Variants in MCF2L observed in about 807,000 individuals in gnomAD.
MCF2L encodes MCF.2 cell line derived transforming sequence like.
In MCF2L, 97 loss-of-function variants were observed where a neutral mutation model predicts 153.4. The observed-to-expected ratio is 0.63, with a 90% confidence interval of 0.54 to 0.75. The LOEUF is 0.75. Among genes scored for constraint, MCF2L ranks in the 30% least tolerant of loss-of-function variants. MCF2L has a pLI of 0.00. For missense variants in MCF2L, 1,347 were observed against 1,495.2 expected, an observed-to-expected ratio of 0.90 and a Z score of 1.64; for synonymous variants, 659 against 632.2, an observed-to-expected ratio of 1.04 and a Z score of -0.64.
At chr13:112,977,781 C>T (rs2082265400) in intron 1 of MCF2L, among the ~76,000 whole-genome samples, 1 of 152,188 alleles carries the variant, frequency 6.6e-6, no homozygotes, top group South Asian at 2.1e-4. Context: ...AGCCTGTCTG[C>T]GTCTGTCCTT....
intron 2 of MCF2L, among the ~76,000 whole-genome samples, chr13:112,913,886 C>G (rs3011504): frequency 2.0e-5 from 3 of 151,990 alleles, no homozygotes; most frequent in Non-Finnish European, 4.4e-5. Flanking sequence ...ACTGCAGACT[C>G]TTTCTCGCTC....
At chr13:113,060,493 G>A in intron 4 of MCF2L, 100 bp from the exon 5 acceptor site, 1 of 1,454,508 alleles carries the variant, frequency 6.9e-7, no homozygotes, top group Non-Finnish European at 9.3e-7. Flanking sequence ...CTGGCCGCTA[G>A]CTGCGCGCCC....
chr13:113,061,051 G>T (rs1023203399), intron 5 of MCF2L, among the ~76,000 whole-genome samples: 1 of 152,122 alleles, frequency 6.6e-6, no homozygotes, highest in Non-Finnish European at 1.5e-5. Flanking sequence ...CTGAGAGTCC[G>T]CCTGGCCCAC....
chr13:113,044,583 A>C (rs2086685306), intron 3 of MCF2L: 1 of 1,541,000 alleles, frequency 6.5e-7, no homozygotes, highest in Non-Finnish European at 8.7e-7. Context: ...AGCTGCTGGC[A>C]TCACGCAATT....
rs772282948 is a variant in MCF2L, at chr13:113,088,616, C to T, written c.2822C>T (p.Pro941Leu). 3.1e-6 allele frequency: 5 copies of T among 1,607,552 alleles called. No individual in the cohort carries two copies. The highest frequency in any genetic ancestry group is 1.6e-4 in the Middle Eastern group (1 of 6,062). ...EQSQSLPLPA[P>L]TSTSPSRGNS... ...TCACAGAGCCTGCCCCTGCCGGCCC[C>T]GACCAGCACCAGGTGAGAATGGACA... The change falls in exon 25 of 30, where the codon CCG (proline) becomes CTG (leucine). Residue 941 changes from proline (P) to leucine (L), a missense_variant. Transcript: ENST00000535094.
intron 4 of MCF2L, among the ~76,000 whole-genome samples, chr13:113,055,286 C>T (rs2087656050): frequency 6.6e-6 from 1 of 151,626 alleles, no homozygotes; most frequent in Non-Finnish European, 1.5e-5. Flanking sequence ...GCTGGCAGAG[C>T]CTCAGGGACC....
Position 113,064,277 on chromosome 13 carries a change from C to T in MCF2L, c.490-27C>T. ...TGGGAGCCAACAATAATCCCAAACA[C>T]TACCACGCATTCCCTTTCTCCTCCA... On this transcript the variant is annotated intron_variant, in intron 5 of 29. Coordinates refer to ENST00000535094, the MANE Select transcript of MCF2L (RefSeq NM_001112732.3). This position sits in a 1 kb window ranked among gnomAD's most constrained non-coding sequence, Gnocchi z 6.0. 1 of 1,518,958 alleles carries T rather than the reference C, an allele frequency of 6.6e-7. No individual in the cohort carries two copies. The highest frequency in any genetic ancestry group is 1.4e-5 in the African/African-American group (1 of 73,138). 94.1% of individuals were successfully genotyped at this position (1,518,958 alleles called of 1,614,324 possible). A position where few individuals can be genotyped will look rare whatever the true frequency, so the allele number is the denominator to read the frequency against.
chr13:112,940,614 T>C (rs1409367746), intron 2 of MCF2L, among the ~76,000 whole-genome samples: 2 of 152,274 alleles, frequency 1.3e-5, no homozygotes, highest in Non-Finnish European at 2.9e-5. Flanking sequence ...AACACTTGAA[T>C]ATGAATCTTT....
At chr13:113,095,502 G>A in intron 27 of MCF2L, 1 of 1,058,742 alleles carries the variant, frequency 9.4e-7, no homozygotes, top group Non-Finnish European at 1.1e-6. Context: ...CTCATTCTTT[G>A]TGGGGTGTGG....
At chr13:113,007,498 G>A (rs556186852) in intron 1 of MCF2L, among the ~76,000 whole-genome samples, 18 of 152,218 alleles carry the variant, frequency 1.2e-4, no homozygotes, top group Non-Finnish European at 2.5e-4. Flanking sequence ...GGAAATACCT[G>A]CCAGAAGATC....
In MCF2L at chr13:113,064,198, G is replaced by T; in HGVS notation, c.490-106G>T. On this transcript the variant is annotated intron_variant, in intron 5 of 29. Transcript: ENST00000535094. This position sits in a 1 kb window ranked among gnomAD's most constrained non-coding sequence, Gnocchi z 6.0. ...CCACACAGCCGCCCGCAGCATCCAG[G>T]CAGACGTGGTCCTCTCTGTGCTGCT... The T allele has an allele frequency of 1.2e-6, 1 of 833,312 alleles. No individual in the cohort carries two copies. The highest frequency in any genetic ancestry group is 1.4e-5 in the South Asian group (1 of 70,106). The allele number at this position is 833,312 out of a possible 1,614,324, so 51.6% of individuals were successfully genotyped here. A position where few individuals can be genotyped will look rare whatever the true frequency, so the allele number is the denominator to read the frequency against.
intron 4 of MCF2L, among the ~76,000 whole-genome samples, chr13:113,058,263 G>GTCAGC (rs1456040084): frequency 2.0e-5 from 3 of 148,616 alleles, no homozygotes; most frequent in Non-Finnish European, 4.5e-5. Flanking sequence ...GCGCTGAGTG[G>GTCAGC]GCATTGAGTG....
intron 5 of MCF2L, among the ~76,000 whole-genome samples, chr13:113,063,457 A>T (rs1297044295): frequency 2.0e-4 from 30 of 147,320 alleles, no homozygotes; most frequent in African/African-American, 7.3e-4. Context: ...GTCCCTGTCC[A>T]CACAGCCGCC....
intron 2 of MCF2L, 23 bp from the exon 3 acceptor site, chr13:113,024,621 G>A (rs1278273476): frequency 1.9e-6 from 3 of 1,554,596 alleles, no homozygotes; most frequent in East Asian, 4.5e-5. Flanking sequence ...TCGGCTAAGG[G>A]TCTGCCTCTG....
intron 1 of MCF2L, among the ~76,000 whole-genome samples, chr13:113,007,848 G>A (rs2083810498): frequency 6.6e-6 from 1 of 151,974 alleles, no homozygotes; most frequent in Admixed American, 6.6e-5. Context: ...GTGTGGCCCA[G>A]ACCAAGAGCC....
At chr13:113,007,381 C>G (rs536063652) in intron 1 of MCF2L, among the ~76,000 whole-genome samples, 1 of 152,224 alleles carries the variant, frequency 6.6e-6, no homozygotes, top group Non-Finnish European at 1.5e-5. Flanking sequence ...GGGGGTCTAA[C>G]CCCTGACCCC....
intron 23 of MCF2L, 125 bp from the exon 24 acceptor site, chr13:113,088,202 C>T: frequency 1.2e-6 from 1 of 852,502 alleles, no homozygotes; most frequent in Non-Finnish European, 2.0e-6. Flanking sequence ...CCTCCTCTCC[C>T]CTCACACGCA....
intron 2 of MCF2L, among the ~76,000 whole-genome samples, chr13:112,947,009 T>C (rs2081644844): frequency 6.6e-6 from 1 of 152,164 alleles, no homozygotes; most frequent in Admixed American, 6.5e-5. Context: ...TTGTCTACTG[T>C]GGTGTGTTTG....
intron 1 of MCF2L, among the ~76,000 whole-genome samples, chr13:112,997,206 G>T (rs1302260982): frequency 2.0e-5 from 3 of 152,186 alleles, no homozygotes; most frequent in African/African-American, 4.8e-5. Context: ...TTGAGACCAA[G>T]ACCACTGTGG....
Sources: allele counts gnomAD v4.1 joint callset (sites outside exome capture counted in the v4.1 genomes callset), GRCh38; gene constraint gnomAD v4.1.1; non-coding constraint Gnocchi (gnomAD v3.1); transcripts MANE v1.5; gene names NCBI Gene and HGNC (gene_info 2026-07-23, HGNC 2026-07-21).